The following CEP85 variants were observed in gnomAD, a reference collection of about 807,000 sequenced individuals.
CEP85 encodes the protein centrosomal protein of 85 kDa.
A neutral mutation model predicts 93.7 loss-of-function variants in CEP85; 58 were observed. The ratio of observed to expected loss-of-function variants is 0.62; its 90% CI spans 0.50 to 0.77. The LOEUF is 0.77. CEP85 is among the 30% of genes least tolerant of loss of function. The pLI is 0.00. For synonymous variants in CEP85, 314 were observed against 338.6 expected (o/e 0.93, Z 0.80); for missense variants, 868 against 922.0 (o/e 0.94, Z 0.76).
chr1:26,268,444 A>G, intron 7 of CEP85, 39 bp from the exon 8 acceptor site: 1 of 1,612,616 alleles, frequency 6.2e-7, no homozygotes, highest in Non-Finnish European at 8.5e-7. Flanking sequence ...GTCATAGTGG[A>G]GTGAATGGTG....
chr1:26,240,547 A>T (rs1307706138), intron 2 of CEP85, among the ~76,000 whole-genome samples: 1 of 152,192 alleles, frequency 6.6e-6, no homozygotes, highest in Non-Finnish European at 1.5e-5. Flanking sequence ...AGTCTTATGC[A>T]CATTCAGTAA....
chr1:26,252,447 G>A (rs754614983), intron 3 of CEP85, among the ~76,000 whole-genome samples: 28 of 152,076 alleles, frequency 1.8e-4, no homozygotes, highest in Non-Finnish European at 7.4e-5. Flanking sequence ...CAGGAGAATC[G>A]CTTGAACCCA....
Position 26,245,655 on chromosome 1 carries a change from TTGATTGTA to T in CEP85, c.208+1340_208+1347del, listed in dbSNP as rs561064427. On this transcript the variant is annotated intron_variant, in intron 3 of 13. Transcript: ENST00000451429. ...CCTAATTGATAATAATTAACTACTG[TTGATTGTA>T]TGCTTTGTGATAGATACTATAAATT... Among the ~76,000 whole-genome samples, 178 of 152,284 alleles carry T rather than the reference TTGATTGTA, an allele frequency of 1.2e-3. 1 individual carries two copies. Among genetic ancestry groups the T allele is most frequent in the Admixed American group, 4.4e-3 (67 of 15,292 alleles).
At chr1:26,273,022 G>C (rs1053199588) in intron 11 of CEP85, among the ~76,000 whole-genome samples, 5 of 152,126 alleles carry the variant, frequency 3.3e-5, no homozygotes, top group Non-Finnish European at 7.3e-5. Flanking sequence ...AAAGGTCCAG[G>C]GGGACTGTTG....
chr1:26,264,901 C>T (rs2089869733), intron 7 of CEP85, among the ~76,000 whole-genome samples: 1 of 151,696 alleles, frequency 6.6e-6, no homozygotes, highest in South Asian at 2.1e-4. Flanking sequence ...CAGCCTCCAC[C>T]TCCCAGATTC....
At chr1:26,263,634 A>T (rs1024089165) in intron 7 of CEP85, among the ~76,000 whole-genome samples, 1 of 152,074 alleles carries the variant, frequency 6.6e-6, no homozygotes, top group Non-Finnish European at 1.5e-5. Context: ...GTAAGCCATG[A>T]TCTCACAGTT....
intron 1 of CEP85, among the ~76,000 whole-genome samples, chr1:26,238,149 T>C (rs1478650604): frequency 2.0e-5 from 3 of 150,744 alleles, no homozygotes; most frequent in Admixed American, 2.0e-4. Flanking sequence ...TAGTACCATA[T>C]AGTCTTTTTT....
At chr1:26,257,561 C>G in intron 4 of CEP85, 36 bp from the exon 5 acceptor site, 1 of 1,611,742 alleles carries the variant, frequency 6.2e-7, no homozygotes, top group Non-Finnish European at 8.5e-7. Context: ...GTGTATGGGT[C>G]AAGATCAAGC....
At chr1:26,236,237 G>C (rs2089324618) in intron 1 of CEP85, among the ~76,000 whole-genome samples, 2 of 152,156 alleles carry the variant, frequency 1.3e-5, no homozygotes, top group Non-Finnish European at 2.9e-5. Flanking sequence ...GCCTCATAGG[G>C]TTGATGTGAA....
chr1:26,235,444 A>G (rs1447936765), intron 1 of CEP85, among the ~76,000 whole-genome samples: 2 of 152,098 alleles, frequency 1.3e-5, no homozygotes, highest in East Asian at 3.8e-4. Context: ...AAAATAGTGT[A>G]ATGGTGTGAG....
chr1:26,275,716 G>A (rs1037602386), intron 12 of CEP85, among the ~76,000 whole-genome samples: 1 of 152,168 alleles, frequency 6.6e-6, no homozygotes, highest in African/African-American at 2.4e-5. Flanking sequence ...CTGTCAGCAG[G>A]GGGCAACCAA....
chr1:26,236,866 T>G (rs2089334570), intron 1 of CEP85, among the ~76,000 whole-genome samples: 1 of 152,194 alleles, frequency 6.6e-6, no homozygotes, highest in Non-Finnish European at 1.5e-5. Context: ...TAGGTAGATT[T>G]CAAAATTTTC....
At chr1:26,248,168 C>T (rs536934019) in intron 3 of CEP85, among the ~76,000 whole-genome samples, 1 of 152,038 alleles carries the variant, frequency 6.6e-6, no homozygotes, top group African/African-American at 2.4e-5. Flanking sequence ...TTCTGGTCTC[C>T]TGACTGTGTA....
At chr1:26,254,812 G>C in intron 3 of CEP85, 1 of 218,434 alleles carries the variant, frequency 4.6e-6, no homozygotes, top group Non-Finnish European at 9.1e-6. Context: ...AGAAGAGTAG[G>C]ACCTAACTCA....
Position 26,277,786 on chromosome 1 carries a change from T to G in CEP85, c.*493T>G, listed in dbSNP as rs2090075066. ...GGGAACTGAGCTGGCTTTCTGGGTT[T>G]TCTCATGCCTGGTCTTACTGCTTCT... On this transcript the variant is annotated 3_prime_UTR_variant, in exon 14 of 14. Coordinates refer to ENST00000451429, the MANE Select transcript of CEP85 (RefSeq NM_001319944.2). 1 of 155,360 alleles carries G rather than the reference T, an allele frequency of 6.4e-6. No individual in the cohort carries two copies. The highest frequency in any genetic ancestry group is 1.4e-5 in the Non-Finnish European group (1 of 69,600). 9.6% of individuals were successfully genotyped at this position (155,360 alleles called of 1,614,324 possible).
chr1:26,253,145 A>C (rs117766865), intron 3 of CEP85, among the ~76,000 whole-genome samples: 1 of 152,162 alleles, frequency 6.6e-6, no homozygotes, highest in Non-Finnish European at 1.5e-5. Flanking sequence ...TGTTGATTCT[A>C]TAACTTGGCT....
intron 10 of CEP85, chr1:26,271,331 G>A (rs1327841045): frequency 1.8e-5 from 8 of 456,112 alleles, no homozygotes; most frequent in African/African-American, 4.0e-5. Context: ...AAAAGTAAGA[G>A]GAGGGGTGAT....
At chr1:26,236,544 TCA>T (rs1157268821) in intron 1 of CEP85, among the ~76,000 whole-genome samples, 1 of 152,244 alleles carries the variant, frequency 6.6e-6, no homozygotes, top group African/African-American at 2.4e-5. Flanking sequence ...CACCAGTAGC[TCA>T]TCTAATTCTT....
intron 12 of CEP85, among the ~76,000 whole-genome samples, chr1:26,275,288 T>TTG (rs2090037840): frequency 6.6e-6 from 1 of 151,704 alleles, no homozygotes; most frequent in Admixed American, 6.6e-5. Context: ...GGAAGGTTTT[T>TTG]TTTTTTTTTT....
Sources: gnomAD v4.1 joint callset for allele counts (sites outside exome capture counted in the v4.1 genomes callset) on GRCh38, gnomAD v4.1.1 for gene constraint, MANE v1.5 for transcripts, NCBI Gene and HGNC (gene_info 2026-07-23, HGNC 2026-07-21) for gene names.